Variants in GNAO1 observed in about 807,000 individuals in gnomAD.
GNAO1 encodes the protein G protein subunit alpha o1.
For synonymous variants in GNAO1, 164 were observed against 180.7 expected, an observed-to-expected ratio of 0.91 and a Z score of 0.74; for missense variants, 166 against 478.7, an observed-to-expected ratio of 0.35 and a Z score of 6.10.
At position 56,294,341 on chromosome 16, in the gene GNAO1, TA is replaced by T. The variant is rs377121608; in HGVS notation, c.303+18289del. Among the ~76,000 whole-genome samples the T allele has an allele frequency of 6.9e-3, 926 of 133,604 alleles. 6 individuals carry two copies. The highest frequency in any genetic ancestry group is 0.017 in the African/African-American group (599 of 35,802). The allele number at this position is 133,604 out of a possible 152,430, so 87.6% of individuals were successfully genotyped here. Reference sequence around the variant, plus strand: ...CCAACCACAGCAGAAGGCTTTGCTTTAAAAAAAAAAAAAAAAAAAAGTGGAC... The same window carrying T: ...CCAACCACAGCAGAAGGCTTTGCTTTAAAAAAAAAAAAAAAAAAAGTGGAC... On this transcript the variant is annotated intron_variant, in intron 3 of 8. Transcript: ENST00000262493.
chr16:56,256,665 G>A (rs2036849503), intron 2 of GNAO1, among the ~76,000 whole-genome samples: 1 of 150,258 alleles, frequency 6.7e-6, no homozygotes, highest in South Asian at 2.1e-4. Context: ...ACTGAGACTG[G>A]AGGTCAGTCT....
Position 56,206,433 on chromosome 16 carries a change from A to C in GNAO1, c.161+13817A>C, listed in dbSNP as rs996463866. ...ATTTTGAATGCCGTGGGAGATTGAC[A>C]ACTTGACCTGACTTATACATTAAAA... On this transcript the variant is annotated intron_variant, in intron 2 of 8. Coordinates refer to ENST00000262493, the MANE Select transcript of GNAO1 (RefSeq NM_020988.3). 2.0e-4 allele frequency among the ~76,000 whole-genome samples: 30 copies of C among 152,122 alleles called. 1 individual carries two copies. The highest frequency in any genetic ancestry group is 1.8e-3 in the Admixed American group (27 of 15,272).
chr16:56,332,186 G>A (rs1369486343), intron 4 of GNAO1, among the ~76,000 whole-genome samples: 1 of 152,238 alleles, frequency 6.6e-6, no homozygotes, highest in Middle Eastern at 3.4e-3. Context: ...GAACCCTCGA[G>A]GGGCTCCCAT....
chr16:56,277,772 C>A (rs1194215396), intron 3 of GNAO1, among the ~76,000 whole-genome samples: 1 of 129,918 alleles, frequency 7.7e-6, no homozygotes, highest in African/African-American at 2.9e-5. Flanking sequence ...AAAGGCACAC[C>A]CCCTACACAC....
chr16:56,252,508 T>C (rs1361291633), intron 2 of GNAO1, among the ~76,000 whole-genome samples: 1 of 152,220 alleles, frequency 6.6e-6, no homozygotes, highest in African/African-American at 2.4e-5. Flanking sequence ...ACCACCTGAG[T>C]GACCTTGAGC....
chr16:56,345,398 G>A, intron 6 of GNAO1: 1 of 985,762 alleles, frequency 1.0e-6, no homozygotes, highest in Non-Finnish European at 1.2e-6. Flanking sequence ...TCCCCAGCCA[G>A]GCAGGGCCCC....
At position 56,291,237 on chromosome 16, in the gene GNAO1, G is replaced by A. The variant is rs532775527; in HGVS notation, c.303+15165G>A. 2.4e-4 allele frequency among the ~76,000 whole-genome samples: 37 copies of A among 152,244 alleles called. 1 individual carries two copies. In the South Asian group the frequency reaches 6.6e-3, roughly 27 times the overall value. On this transcript the variant is annotated intron_variant, in intron 3 of 8. Coordinates refer to ENST00000262493, the MANE Select transcript of GNAO1 (RefSeq NM_020988.3). ...ACACCGTCTTACATTCCCATTTTCC[G>A]CATATGGAGGTTCCAGTGTCTCCCC...
intron 3 of GNAO1, chr16:56,307,222 T>C (rs1164671857): frequency 6.6e-6 from 1 of 152,120 alleles, no homozygotes; most frequent in East Asian, 1.9e-4. Context: ...CCTCTAAGAT[T>C]CACCAGGCGA....
intron 3 of GNAO1, among the ~76,000 whole-genome samples, chr16:56,281,375 T>G (rs183104089): frequency 9.6e-4 from 146 of 152,244 alleles, no homozygotes; most frequent in African/African-American, 3.1e-3. Context: ...CCCACTCCCT[T>G]GAGCTGCCTT....
chr16:56,192,136 C>T lies in GNAO1; in HGVS notation c.-100C>T, dbSNP rs559910143. ...AGGAGAGGATATCGTGATTTTCCCC[C>T]CTTGAGCCCAGGCTCTGCTCTCTGG... On this transcript the variant is annotated 5_prime_UTR_variant, in exon 1 of 9. Transcript: ENST00000262493. The T allele has an allele frequency of 3.0e-6, 2 of 675,526 alleles. No individual in the cohort carries two copies. Among genetic ancestry groups the T allele is most frequent in the East Asian group, 5.5e-5 (2 of 36,366 alleles). The allele number at this position is 675,526 out of a possible 1,614,324, so 41.8% of individuals were successfully genotyped here.
chr16:56,341,770 C>T (rs2037806621), intron 6 of GNAO1, among the ~76,000 whole-genome samples: 1 of 152,192 alleles, frequency 6.6e-6, no homozygotes, highest in Non-Finnish European at 1.5e-5. Flanking sequence ...CAGCTCTGGT[C>T]AGTGACACCA....
At chr16:56,211,676 CGCGACT>C (rs2036389934) in intron 2 of GNAO1, among the ~76,000 whole-genome samples, 1 of 152,162 alleles carries the variant, frequency 6.6e-6, no homozygotes, top group Non-Finnish European at 1.5e-5. Context: ...TTGTTTCAGT[CGCGACT>C]TGAAAATGCG....
rs1027694579 is a variant in GNAO1 at position 56,221,669 on chromosome 16, A to C, written c.161+29053A>C. Among the ~76,000 whole-genome samples, 17 of 151,864 alleles carry C rather than the reference A, an allele frequency of 1.1e-4. No homozygotes were observed. The East Asian group carries it at 2.5e-3, about 23-fold the overall frequency. Reference sequence around the variant, plus strand: ...TGCATCTCAAAAAAAAAAAAAAAAAAAAAAACATGGGACCAGATGATGCAG... The same window carrying C: ...TGCATCTCAAAAAAAAAAAAAAAAACAAAAACATGGGACCAGATGATGCAG... On this transcript the variant is annotated intron_variant, in intron 2 of 8. Transcript: ENST00000262493.
chr16:56,349,872 AAG>A (rs2143697214), intron 6 of GNAO1, among the ~76,000 whole-genome samples: 1 of 152,322 alleles, frequency 6.6e-6, no homozygotes, highest in African/African-American at 2.4e-5. Context: ...GACTGGCCGT[AAG>A]ACGCACGGAG....
intron 6 of GNAO1, among the ~76,000 whole-genome samples, chr16:56,343,106 AAAAC>A (rs1224733470): frequency 6.6e-6 from 1 of 152,004 alleles, no homozygotes; most frequent in Non-Finnish European, 1.5e-5. Context: ...TCCAAAAAAA[AAAAC>A]AAACAAAAAA....
intron 6 of GNAO1, among the ~76,000 whole-genome samples, chr16:56,348,883 CCTCTGCTCCCCAAGTCCTCCCCTGCA>C (rs2037897303): frequency 2.0e-5 from 3 of 152,186 alleles, no homozygotes; most frequent in African/African-American, 7.2e-5. Context: ...TTATGCCTGT[CCTCTGCTCCCCAAGTCCTCCCCTGCA>C]CTGCCACTCC....
intron 3 of GNAO1, among the ~76,000 whole-genome samples, chr16:56,308,986 T>C (rs1172198153): frequency 6.6e-6 from 1 of 152,048 alleles, no homozygotes; most frequent in Admixed American, 6.5e-5. Flanking sequence ...GGGGTTTCCC[T>C]GAAGTTCATG....
intron 6 of GNAO1, chr16:56,343,957 C>A: frequency 6.2e-7 from 1 of 1,611,950 alleles, no homozygotes; most frequent in Non-Finnish European, 8.5e-7. Context: ...CTGAGCCCAG[C>A]CGCCCTGCCC....
rs1436588699 is a variant in GNAO1 at position 56,356,638 on chromosome 16, A to C, written c.*564A>C. The C allele has an allele frequency of 6.5e-6, 1 of 152,838 alleles. No homozygotes were observed. The highest frequency in any genetic ancestry group is 1.5e-5 in the Non-Finnish European group (1 of 68,096). The allele number at this position is 152,838 out of a possible 1,614,324, so 9.5% of individuals were successfully genotyped here. On this transcript the variant is annotated 3_prime_UTR_variant, in exon 9 of 9. Coordinates refer to ENST00000262493, the MANE Select transcript of GNAO1 (RefSeq NM_020988.3). ...CCACACGCTCACTCCAGGTTCGTATAGAAAAAGCACAGCTCTCACTGGCCA... is the reference window on the plus strand; with the variant it reads ...CCACACGCTCACTCCAGGTTCGTATCGAAAAAGCACAGCTCTCACTGGCCA...
Sources: gnomAD v4.1 joint callset for allele counts (sites outside exome capture counted in the v4.1 genomes callset) on GRCh38, gnomAD v4.1.1 for gene constraint, MANE v1.5 for transcripts, NCBI Gene and HGNC (gene_info 2026-07-23, HGNC 2026-07-21) for gene names.